ADAMTS2: variants seen among roughly 807,000 people sequenced by gnomAD.
The protein encoded by ADAMTS2 is ADAM metallopeptidase with thrombospondin type 1 motif 2, also known as A disintegrin and metalloproteinase with thrombospondin motifs 2.
ADAMTS2 carries 50 observed loss-of-function variants against 123.0 expected under a neutral mutation model. The observed-to-expected ratio is 0.41, with a 90% CI of 0.32 to 0.51. The LOEUF (loss-of-function observed/expected upper bound fraction) is 0.51. ADAMTS2 is among the 20% of genes least tolerant of loss of function. ADAMTS2 has a pLI of 0.35. For synonymous variants in ADAMTS2, 678 were observed against 695.4 expected, an observed-to-expected ratio of 0.98 and a Z score of 0.39; for missense variants, 1,494 against 1,705.2, an observed-to-expected ratio of 0.88 and a Z score of 2.18.
chr5:179,154,671 A>G, intron 7 of ADAMTS2, 143 bp downstream of exon 7: 1 of 696,256 alleles, frequency 1.4e-6, no homozygotes. Context: ...AGCACTGCCC[A>G]GCGCTGGGAA....
In ADAMTS2 at chr5:179,185,510, T is replaced by C. The variant is rs1226066432; in HGVS notation, c.892-4355A>G. On this transcript the variant is annotated intron_variant, in intron 4 of 21. Coordinates refer to ENST00000251582, the MANE Select transcript of ADAMTS2 (RefSeq NM_014244.5). This position sits in a 1 kb window ranked among gnomAD's most constrained non-coding sequence, Gnocchi z 5.9. ...CAAGATCTTCCCACTCTCCTAGCCC[T>C]ACCCCTGGGGCCGAAGGTGGCAGCT... Among the ~76,000 whole-genome samples the C allele has an allele frequency of 1.3e-5, 2 of 152,064 alleles. No homozygotes were observed. The highest frequency in any genetic ancestry group is 4.8e-5 in the African/African-American group (2 of 41,426).
chr5:179,217,293 A>G (rs463901), intron 3 of ADAMTS2, among the ~76,000 whole-genome samples: 70,418 of 152,120 alleles, frequency 0.46, 16,752 homozygotes, highest in Non-Finnish European at 0.5. Flanking sequence ...AGCGACTTAC[A>G]TAAATTATGG....
chr5:179,191,610 G>T (rs1469446384), intron 4 of ADAMTS2, among the ~76,000 whole-genome samples: 1 of 151,922 alleles, frequency 6.6e-6, no homozygotes, highest in Non-Finnish European at 1.5e-5. Flanking sequence ...GAACGGTGTG[G>T]GGGAGGGGGC....
chr5:179,266,674 C>T (rs58318750), intron 3 of ADAMTS2, among the ~76,000 whole-genome samples: 6,696 of 152,270 alleles, frequency 0.044, 451 homozygotes, highest in African/African-American at 0.15. Context: ...CTGAGATGGA[C>T]GTCGACAGCT....
rs553577762 is a variant in ADAMTS2, at chr5:179,154,591, C to A, written c.1238+223G>T. ...GTCCCCAGCTCTAGCTGGCCCAGAG[C>A]GCCTGCTCAGTCTGCAGGCAAGCCC... On this transcript the variant is annotated intron_variant, in intron 7 of 21. Coordinates refer to ENST00000251582, the MANE Select transcript of ADAMTS2 (RefSeq NM_014244.5). Among the ~76,000 whole-genome samples the A allele has an allele frequency of 8.3e-4, 127 of 152,354 alleles. 1 individual carries two copies. The highest frequency in any genetic ancestry group is 2.9e-3 in the African/African-American group (121 of 41,592).
In ADAMTS2 at chr5:179,132,950, C is replaced by G; in HGVS notation, c.2086-50G>C. On this transcript the variant is annotated intron_variant, in intron 13 of 21. Transcript: ENST00000251582. The surrounding 1 kb of genome is among the most constrained non-coding windows in gnomAD (Gnocchi z 6.1). ...ACTTGAGACGTCCTGCTAGTAGAGT[C>G]AGGGTCATACTATGTTGCCCCCAGT... 1 of 1,597,990 alleles carries G rather than the reference C, an allele frequency of 6.3e-7. No individual in the cohort carries two copies. Among genetic ancestry groups the G allele is most frequent in the Non-Finnish European group, 8.5e-7 (1 of 1,173,032 alleles).
At chr5:179,287,163 C>T (rs1193846710) in intron 2 of ADAMTS2, among the ~76,000 whole-genome samples, 1 of 152,120 alleles carries the variant, frequency 6.6e-6, no homozygotes. Flanking sequence ...TGGGGAGCCA[C>T]TCTGGACAGG....
intron 2 of ADAMTS2, among the ~76,000 whole-genome samples, chr5:179,341,972 T>C (rs918119308): frequency 1.3e-5 from 2 of 152,172 alleles, no homozygotes; most frequent in African/African-American, 4.8e-5. Flanking sequence ...TGGCCACTCA[T>C]TCTTCCAGCC....
At chr5:179,286,107 G>A (rs1312637303) in intron 2 of ADAMTS2, among the ~76,000 whole-genome samples, 2 of 151,822 alleles carry the variant, frequency 1.3e-5, no homozygotes, top group South Asian at 4.1e-4. Context: ...CCAGCTACTC[G>A]GGAGGCTGAG....
At chr5:179,123,811 C>T (rs1182234490) in intron 19 of ADAMTS2, among the ~76,000 whole-genome samples, 2 of 152,326 alleles carry the variant, frequency 1.3e-5, no homozygotes, top group East Asian at 3.9e-4. Context: ...AGTGTTTTTG[C>T]CTGCCTGAGG....
intron 3 of ADAMTS2, among the ~76,000 whole-genome samples, chr5:179,251,996 TTC>T (rs1321350790): frequency 2.0e-5 from 3 of 151,794 alleles, no homozygotes; most frequent in African/African-American, 7.3e-5. Context: ...TGATTTTTTT[TTC>T]TTTTTCTTTT....
At chr5:179,310,618 C>A (rs1756803725) in intron 2 of ADAMTS2, among the ~76,000 whole-genome samples, 1 of 152,176 alleles carries the variant, frequency 6.6e-6, no homozygotes, top group South Asian at 2.1e-4. Flanking sequence ...CTGGAGCAGC[C>A]TGGGGGCCCC....
intron 2 of ADAMTS2, among the ~76,000 whole-genome samples, chr5:179,301,395 G>A (rs1028959524): frequency 6.6e-6 from 1 of 152,212 alleles, no homozygotes; most frequent in Non-Finnish European, 1.5e-5. Context: ...ATAAGATAAT[G>A]AAGGCAAAGG....
rs1230081047 is a variant in ADAMTS2, at chr5:179,331,163, C to T, written c.534+12604G>A. Among the ~76,000 whole-genome samples, 11 of 150,072 alleles carry T rather than the reference C, an allele frequency of 7.3e-5. No homozygotes were observed. In the East Asian group the frequency reaches 8.1e-4, roughly 11 times the overall value. The stretch of plus-strand genomic sequence containing the variant: ...TACAGGTGCAGAGTGCAGCTGACGA[C>T]GAAGGGCCCCCAGCCAGGAAGGGTC... On this transcript the variant is annotated intron_variant, in intron 2 of 21. Transcript: ENST00000251582.
chr5:179,128,927 G>A lies in ADAMTS2; in HGVS notation c.2458-809C>T, dbSNP rs368544248. On this transcript the variant is annotated intron_variant, in intron 16 of 21. Coordinates refer to ENST00000251582, the MANE Select transcript of ADAMTS2 (RefSeq NM_014244.5). The surrounding 1 kb of genome is among the most constrained non-coding windows in gnomAD (Gnocchi z 4.9). Reference sequence around the variant, plus strand: ...CCCCCAAAATAGCACAAAATGTGATGTATGTGACACTCAACAGACTGCAGA... The same window carrying A: ...CCCCCAAAATAGCACAAAATGTGATATATGTGACACTCAACAGACTGCAGA... 1.3e-5 allele frequency among the ~76,000 whole-genome samples: 2 copies of A among 152,104 alleles called. No homozygotes were observed. The highest frequency in any genetic ancestry group is 4.1e-4 in the South Asian group (2 of 4,828).
At chr5:179,219,581 C>T (rs544876768) in intron 3 of ADAMTS2, among the ~76,000 whole-genome samples, 4 of 152,296 alleles carry the variant, frequency 2.6e-5, no homozygotes, top group Non-Finnish European at 5.9e-5. Context: ...GGCTCTGGTC[C>T]GGCTCCCAGA....
intron 2 of ADAMTS2, among the ~76,000 whole-genome samples, chr5:179,283,237 C>T (rs946884799): frequency 2.0e-5 from 3 of 151,790 alleles, no homozygotes; most frequent in African/African-American, 7.3e-5. Flanking sequence ...AAAAAAAAAG[C>T]TATGTAATAT....
chr5:179,132,723 A>G lies in ADAMTS2; in HGVS notation c.2209+54T>C, dbSNP rs1762986444. 5.0e-6 allele frequency: 8 copies of G among 1,612,250 alleles called. No individual in the cohort carries two copies. In the South Asian group the frequency reaches 5.5e-5, roughly 11 times the overall value. ...GAGTCAGGCCCTCAGCTGTCCGGGC[A>G]TGAGCCTGCTGCAGGCATCCAGGCT... On this transcript the variant is annotated intron_variant, in intron 14 of 21. Coordinates refer to ENST00000251582, the MANE Select transcript of ADAMTS2 (RefSeq NM_014244.5). This position sits in a 1 kb window ranked among gnomAD's most constrained non-coding sequence, Gnocchi z 6.1.
At chr5:179,275,127 G>T (rs1766659692) in intron 2 of ADAMTS2, among the ~76,000 whole-genome samples, 1 of 152,154 alleles carries the variant, frequency 6.6e-6, no homozygotes, top group South Asian at 2.1e-4. Context: ...GGCAGCCCAG[G>T]GCTTCTGGGG....
Sources: gnomAD v4.1 joint callset for allele counts (sites outside exome capture counted in the v4.1 genomes callset) on GRCh38, gnomAD v4.1.1 for gene constraint, Gnocchi (gnomAD v3.1) non-coding constraint, MANE v1.5 for transcripts, NCBI Gene and HGNC (gene_info 2026-07-23, HGNC 2026-07-21) for gene names.